Variants in GPC6 observed in about 807,000 individuals in gnomAD.
GPC6 encodes the protein glypican-6.
GPC6 carries 14 observed loss-of-function variants against 55.2 expected under a neutral mutation model. That is an observed-to-expected ratio of 0.25 (90% CI 0.17 to 0.40). GPC6 has a LOEUF of 0.40. Among genes scored for constraint, GPC6 ranks in the 10% least tolerant of loss-of-function variants. The pLI is 1.00. For missense variants in GPC6, 641 were observed against 708.5 expected, an observed-to-expected ratio of 0.90 and a Z score of 1.08; for synonymous variants, 278 against 259.6, an observed-to-expected ratio of 1.07 and a Z score of -0.68.
chr13:93,597,899 A>T (rs567542107), intron 2 of GPC6, among the ~76,000 whole-genome samples: 47 of 152,212 alleles, frequency 3.1e-4, no homozygotes, highest in African/African-American at 1.1e-3. Flanking sequence ...TAATCCAAGC[A>T]CTTTGGGAGG....
chr13:93,364,284 A>G (rs954439379), intron 1 of GPC6, among the ~76,000 whole-genome samples: 3 of 152,136 alleles, frequency 2.0e-5, no homozygotes, highest in Non-Finnish European at 2.9e-5. Flanking sequence ...GACGAAAATG[A>G]TTTTTGGTTT....
intron 3 of GPC6, among the ~76,000 whole-genome samples, chr13:93,898,965 A>T (rs1432758699): frequency 6.8e-6 from 1 of 147,070 alleles, no homozygotes; most frequent in Non-Finnish European, 1.5e-5. Context: ...ATATATATAT[A>T]TACACACACA....
At chr13:93,723,425 A>G (rs1883520460) in intron 2 of GPC6, among the ~76,000 whole-genome samples, 2 of 151,906 alleles carry the variant, frequency 1.3e-5, no homozygotes, top group African/African-American at 4.8e-5. Flanking sequence ...CTCACTTCTA[A>G]TGAAGGATGT....
At chr13:93,402,741 G>A (rs1293733182) in intron 1 of GPC6, among the ~76,000 whole-genome samples, 1 of 152,098 alleles carries the variant, frequency 6.6e-6, no homozygotes, top group Admixed American at 6.5e-5. Flanking sequence ...CTATTCCACT[G>A]GACCCTTTTT....
intron 4 of GPC6, among the ~76,000 whole-genome samples, chr13:94,172,767 G>A (rs932706769): frequency 5.3e-5 from 8 of 152,134 alleles, no homozygotes; most frequent in Admixed American, 2.0e-4. Context: ...ACCAAGTTAC[G>A]TGCATTTCTA....
chr13:93,803,659 A>C (rs551524283), intron 2 of GPC6, among the ~76,000 whole-genome samples: 3 of 152,324 alleles, frequency 2.0e-5, no homozygotes, highest in African/African-American at 7.2e-5. Context: ...ATTATTCTTA[A>C]TAGCCAAATT....
chr13:93,261,557 A>C (rs749070702), intron 1 of GPC6, among the ~76,000 whole-genome samples: 1 of 152,178 alleles, frequency 6.6e-6, no homozygotes, highest in Non-Finnish European at 1.5e-5. Context: ...CTTTTAGATA[A>C]ATATATTTTG....
chr13:93,604,190 A>G lies in GPC6; in HGVS notation c.319+58769A>G, dbSNP rs1252247710. Among the ~76,000 whole-genome samples the G allele has an allele frequency of 2.6e-5, 4 of 152,254 alleles. No homozygotes were observed. The East Asian group carries it at 7.7e-4, about 29-fold the overall frequency. On this transcript the variant is annotated intron_variant, in intron 2 of 8. Coordinates refer to ENST00000377047, the MANE Select transcript of GPC6 (RefSeq NM_005708.5). ...CTTTTTGAAAAGGCAAAGGGATTGA[A>G]AGGACTCAGCTGTTAAAGTAACAAA...
chr13:93,647,345 G>A (rs1488129767), intron 2 of GPC6, among the ~76,000 whole-genome samples: 1 of 152,072 alleles, frequency 6.6e-6, no homozygotes, highest in Non-Finnish European at 1.5e-5. Context: ...TGTGCCAGAT[G>A]GGCTAGTCTT....
intron 4 of GPC6, among the ~76,000 whole-genome samples, chr13:94,064,804 T>C (rs973232041): frequency 6.6e-6 from 1 of 152,160 alleles, no homozygotes; most frequent in Non-Finnish European, 1.5e-5. Context: ...ACAAACCAAA[T>C]TGTGGATTAT....
chr13:93,912,567 C>A (rs1412953399), intron 3 of GPC6, among the ~76,000 whole-genome samples: 1 of 152,036 alleles, frequency 6.6e-6, no homozygotes, highest in Non-Finnish European at 1.5e-5. Context: ...CACGGTGAAA[C>A]CCCATCTCTA....
At chr13:93,539,879 CAG>C (rs1266670119) in intron 1 of GPC6, among the ~76,000 whole-genome samples, 1 of 151,936 alleles carries the variant, frequency 6.6e-6, no homozygotes, top group African/African-American at 2.4e-5. Context: ...TTAGTGGAGA[CAG>C]AGTTTCTCCA....
chr13:93,374,327 C>A (rs767254476), intron 1 of GPC6, among the ~76,000 whole-genome samples: 11 of 152,060 alleles, frequency 7.2e-5, no homozygotes, highest in Non-Finnish European at 1.3e-4. Context: ...TTAGGAGGCC[C>A]GATTAAGAAC....
chr13:93,887,524 T>A (rs1875413056), intron 3 of GPC6, among the ~76,000 whole-genome samples: 1 of 152,124 alleles, frequency 6.6e-6, no homozygotes, highest in Non-Finnish European at 1.5e-5. Flanking sequence ...GTATTTGCAT[T>A]GGAACGTCTC....
At chr13:93,274,882 A>G (rs1877673682) in intron 1 of GPC6, among the ~76,000 whole-genome samples, 1 of 152,224 alleles carries the variant, frequency 6.6e-6, no homozygotes, top group Non-Finnish European at 1.5e-5. Flanking sequence ...GTGCTTTAAC[A>G]TAGTAATGTT....
Position 94,286,408 on chromosome 13 carries a change from G to T in GPC6, c.937G>T (p.Asp313Tyr). ...EGPFNIESVM[D>Y]PIDVKISEAI... is the part of the protein sequence containing the mutation. The stretch of plus-strand genomic sequence containing the variant: ...GCCATTCAACATTGAGTCGGTCATG[G>T]ACCCGATAGATGTCAAGATTTCTGA... The change falls in exon 5 of 9, where the codon GAC (aspartate) becomes TAC (tyrosine). Residue 313 changes from aspartate to tyrosine, a missense_variant. Asp to Tyr is a radical substitution (Grantham distance 160). Coordinates refer to ENST00000377047, the MANE Select transcript of GPC6 (RefSeq NM_005708.5). 1 of 1,613,702 alleles carries T rather than the reference G, an allele frequency of 6.2e-7. No homozygotes were observed. Among genetic ancestry groups the T allele is most frequent in the South Asian group, 1.1e-5 (1 of 91,058 alleles).
At chr13:93,631,981 A>G (rs1879463440) in intron 2 of GPC6, among the ~76,000 whole-genome samples, 1 of 152,098 alleles carries the variant, frequency 6.6e-6, no homozygotes, top group Non-Finnish European at 1.5e-5. Context: ...GCTGTGGATG[A>G]TTGTTGTTGA....
At chr13:93,958,431 A>G (rs192365476) in intron 3 of GPC6, among the ~76,000 whole-genome samples, 4 of 152,318 alleles carry the variant, frequency 2.6e-5, no homozygotes, top group Non-Finnish European at 5.9e-5. Flanking sequence ...CAGTTATCCC[A>G]GAACCATCTA....
chr13:93,855,431 C>G (rs565465506), intron 3 of GPC6, among the ~76,000 whole-genome samples: 1 of 151,618 alleles, frequency 6.6e-6, no homozygotes, highest in African/African-American at 2.4e-5. Flanking sequence ...CATTCATCTA[C>G]GGAAGGATAT....
Sources: gnomAD v4.1 joint callset for allele counts (sites outside exome capture counted in the v4.1 genomes callset) on GRCh38, gnomAD v4.1.1 for gene constraint, MANE v1.5 for transcripts, NCBI Gene and HGNC (gene_info 2026-07-23, HGNC 2026-07-21) for gene names.